The following PLEKHA5 variants were observed in gnomAD, a reference collection of about 807,000 sequenced individuals.
The protein encoded by PLEKHA5 is pleckstrin homology domain-containing family A member 5.
PLEKHA5 carries 55 observed loss-of-function variants against 181.9 expected under a neutral mutation model. The observed-to-expected ratio is 0.30, with a 90% CI of 0.24 to 0.38. PLEKHA5 has a LOEUF of 0.38. PLEKHA5 is among the 10% of genes least tolerant of loss of function. PLEKHA5 has a pLI of 1.00. For synonymous variants in PLEKHA5, 535 were observed against 529.4 expected (o/e 1.01, Z -0.15); for missense variants, 1,432 against 1,549.5 (o/e 0.92, Z 1.27).
intron 3 of PLEKHA5, among the ~76,000 whole-genome samples, chr12:19,172,912 C>T (rs1049543092): frequency 1.3e-5 from 2 of 148,228 alleles, no homozygotes; most frequent in African/African-American, 5.0e-5. Flanking sequence ...TGATCATTCT[C>T]CTCGTGTCTC....
At chr12:19,306,771 G>T (rs960483975) in intron 15 of PLEKHA5, 6 of 937,884 alleles carry the variant, frequency 6.4e-6, no homozygotes, top group Non-Finnish European at 1.1e-5. Flanking sequence ...TCGCAATCTC[G>T]TTAAATTCCA....
At chr12:19,297,349 G>A (rs1358624967) in intron 15 of PLEKHA5, among the ~76,000 whole-genome samples, 11 of 151,618 alleles carry the variant, frequency 7.3e-5, no homozygotes, top group Non-Finnish European at 1.0e-4. Context: ...CAGGCCGGGC[G>A]CGGTGGCTCA....
chr12:19,323,558 C>T (rs765293783), intron 20 of PLEKHA5, among the ~76,000 whole-genome samples: 16 of 150,372 alleles, frequency 1.1e-4, no homozygotes, highest in Non-Finnish European at 2.2e-4. Context: ...TGGCTGACAC[C>T]GTAATCCCAG....
At chr12:19,203,564 T>A (rs1350064762) in intron 3 of PLEKHA5, among the ~76,000 whole-genome samples, 1 of 152,056 alleles carries the variant, frequency 6.6e-6, no homozygotes, top group Non-Finnish European at 1.5e-5. Flanking sequence ...AGTATTCACC[T>A]GGGCATTTCA....
chr12:19,238,993 CTCT>C (rs1276628860), intron 3 of PLEKHA5, among the ~76,000 whole-genome samples: 1 of 152,112 alleles, frequency 6.6e-6, no homozygotes, highest in African/African-American at 2.4e-5. Context: ...AATTGTGCTA[CTCT>C]TCTTTGTTTG....
chr12:19,352,348 G>C (rs1231702471), intron 25 of PLEKHA5, among the ~76,000 whole-genome samples: 1 of 150,820 alleles, frequency 6.6e-6, no homozygotes, highest in African/African-American at 2.4e-5. Flanking sequence ...TCGTGCCATT[G>C]TACTTCAGCC....
chr12:19,268,353 G>A lies in PLEKHA5; in HGVS notation c.712-1417G>A, dbSNP rs926495526. Among the ~76,000 whole-genome samples the A allele has an allele frequency of 1.2e-4, 18 of 151,968 alleles. 1 individual carries two copies. The highest frequency in any genetic ancestry group is 8.5e-4 in the Admixed American group (13 of 15,250). ...TGCTATTTGTAGGACTTTTTTCTGC[G>A]TTTTTAGACTCTTAAAAAATACTAC... On this transcript the variant is annotated intron_variant, in intron 8 of 31. Coordinates refer to ENST00000429027, the MANE Select transcript of PLEKHA5 (RefSeq NM_001256470.2).
intron 3 of PLEKHA5, among the ~76,000 whole-genome samples, chr12:19,252,652 A>G (rs1015080602): frequency 2.0e-5 from 3 of 152,130 alleles, no homozygotes; most frequent in African/African-American, 7.2e-5. Context: ...AGTAAATATA[A>G]CAGATTTTTC....
intron 3 of PLEKHA5, among the ~76,000 whole-genome samples, chr12:19,157,097 TACACACACACAC>T: frequency 7.0e-6 from 1 of 143,292 alleles, no homozygotes; most frequent in South Asian, 2.3e-4. Context: ...TATATGTACA[TACACACACACAC>T]ACACACACAC....
chr12:19,359,405 T>C lies in PLEKHA5; in HGVS notation c.3349-7T>C, dbSNP rs1206100706. 6.2e-7 allele frequency: 1 copy of C among 1,612,016 alleles called. No homozygotes were observed. Among genetic ancestry groups the C allele is most frequent in the Non-Finnish European group, 8.5e-7 (1 of 1,178,646 alleles). On this transcript the variant is annotated splice_polypyrimidine_tract_variant and splice_region_variant and intron_variant, in intron 27 of 31. Transcript: ENST00000429027. The stretch of plus-strand genomic sequence containing the variant: ...GAGTATAAAAATGCTATATGTCTTT[T>C]GAGCAGACTCGAAGGAGGGATGATA...
intron 3 of PLEKHA5, among the ~76,000 whole-genome samples, chr12:19,132,931 T>C (rs2034436372): frequency 6.6e-6 from 1 of 150,750 alleles, no homozygotes; most frequent in Non-Finnish European, 1.5e-5. Context: ...ATCTTTTTTT[T>C]TTTTTTTTTT....
chr12:19,205,882 T>G (rs1228475830), intron 3 of PLEKHA5, among the ~76,000 whole-genome samples: 1 of 152,110 alleles, frequency 6.6e-6, no homozygotes. Context: ...GATCAAAAAT[T>G]CTTTAAAGAA....
chr12:19,152,650 CTTT>C (rs1461103241), intron 3 of PLEKHA5: 1 of 152,062 alleles, frequency 6.6e-6, no homozygotes. Flanking sequence ...TGTTTTATTT[CTTT>C]AATTATGACA....
At position 19,336,630 on chromosome 12, in the gene PLEKHA5, A is replaced by T; in HGVS notation, c.2550+14A>T. On this transcript the variant is annotated intron_variant, in intron 21 of 31. Coordinates refer to ENST00000429027, the MANE Select transcript of PLEKHA5 (RefSeq NM_001256470.2). ...GGTGAAGTTCAGGTACAAAAGTATAATATTCTTTATATTGTTTTAACTGTT... is the reference window on the plus strand; with the variant it reads ...GGTGAAGTTCAGGTACAAAAGTATATTATTCTTTATATTGTTTTAACTGTT... 1.5e-6 allele frequency: 2 copies of T among 1,369,042 alleles called. No homozygotes were observed. The highest frequency in any genetic ancestry group is 2.1e-6 in the Non-Finnish European group (2 of 961,286). 84.8% of individuals were successfully genotyped at this position (1,369,042 alleles called of 1,614,324 possible).
At chr12:19,161,891 G>A (rs1005989317) in intron 3 of PLEKHA5, among the ~76,000 whole-genome samples, 2 of 152,036 alleles carry the variant, frequency 1.3e-5, no homozygotes, top group Admixed American at 1.3e-4. Flanking sequence ...ACAGAACTGC[G>A]AATATTCTTT....
At chr12:19,341,035 G>T (rs1325886431) in intron 21 of PLEKHA5, among the ~76,000 whole-genome samples, 3 of 152,146 alleles carry the variant, frequency 2.0e-5, no homozygotes, top group African/African-American at 7.2e-5. Context: ...ACTTTGGGAG[G>T]CCAAGTCAGA....
intron 13 of PLEKHA5, 116 bp downstream of exon 13, chr12:19,287,672 T>TTAC: frequency 1.5e-6 from 1 of 658,498 alleles, no homozygotes; most frequent in Non-Finnish European, 2.7e-6. Flanking sequence ...AGAAAAAACA[T>TTAC]TACTGCTTTT....
chr12:19,162,280 C>T lies in PLEKHA5; in HGVS notation c.227+29830C>T, dbSNP rs12578106. Among the ~76,000 whole-genome samples the T allele has an allele frequency of 1.4e-3, 213 of 152,030 alleles. 3 individuals are homozygous for T. In the East Asian group the frequency reaches 0.032, roughly 23 times the overall value. ...GATAACACTGAAATAATGTGCCTTCCCCCAATGAAATATTCATGTAAACAT... is the reference window on the plus strand; with the variant it reads ...GATAACACTGAAATAATGTGCCTTCTCCCAATGAAATATTCATGTAAACAT... On this transcript the variant is annotated intron_variant, in intron 3 of 31. Coordinates refer to ENST00000429027, the MANE Select transcript of PLEKHA5 (RefSeq NM_001256470.2).
intron 3 of PLEKHA5, among the ~76,000 whole-genome samples, chr12:19,202,934 A>G (rs1413673464): frequency 6.6e-6 from 1 of 152,128 alleles, no homozygotes; most frequent in Non-Finnish European, 1.5e-5. Context: ...GAAGTGAGTT[A>G]TATCTTTGGT....
Sources: gnomAD v4.1 joint callset for allele counts (sites outside exome capture counted in the v4.1 genomes callset) on GRCh38, gnomAD v4.1.1 for gene constraint, MANE v1.5 for transcripts, NCBI Gene and HGNC (gene_info 2026-07-23, HGNC 2026-07-21) for gene names.